NOL4L: variants seen among roughly 807,000 people sequenced by gnomAD.
NOL4L encodes nucleolar protein 4 like, also known as nucleolar protein 4-like.
Under a neutral mutation model 64.5 loss-of-function variants are expected in NOL4L, and 7 were observed. The ratio of observed to expected loss-of-function variants is 0.11; its 90% CI spans 0.06 to 0.20. NOL4L has a LOEUF of 0.20. Ranked by LOEUF, NOL4L falls within the 10% of genes least tolerant of loss-of-function variation. The pLI is 1.00. For missense variants in NOL4L, 680 were observed against 967.1 expected (o/e 0.70, Z 3.94); for synonymous variants, 413 against 401.0 (o/e 1.03, Z -0.36).
intron 2 of NOL4L, among the ~76,000 whole-genome samples, chr20:32,526,061 A>ATT (rs58923296): frequency 6.7e-6 from 1 of 148,550 alleles, no homozygotes; most frequent in Non-Finnish European, 1.5e-5. Flanking sequence ...CCTGGCCCCA[A>ATT]TTTTTTTTTT....
intron 2 of NOL4L, among the ~76,000 whole-genome samples, chr20:32,521,515 A>G (rs573136159): frequency 6.1e-4 from 93 of 152,260 alleles, no homozygotes; most frequent in African/African-American, 2.1e-3. Context: ...TGACTCCCCA[A>G]GGTCACAAGG....
intron 1 of NOL4L, among the ~76,000 whole-genome samples, chr20:32,543,131 CAG>C (rs1453147911): frequency 6.6e-6 from 1 of 152,136 alleles, no homozygotes; most frequent in Non-Finnish European, 1.5e-5. Flanking sequence ...GCTCTGCCAT[CAG>C]GGGATGCAAT....
At chr20:32,499,193 T>A (rs1385117596) in intron 4 of NOL4L, among the ~76,000 whole-genome samples, 4 of 152,140 alleles carry the variant, frequency 2.6e-5, no homozygotes, top group African/African-American at 7.2e-5. Flanking sequence ...AATTTTTTTT[T>A]AAATAAATGC....
chr20:32,478,728 A>G (rs2015553435), intron 4 of NOL4L, among the ~76,000 whole-genome samples: 1 of 152,172 alleles, frequency 6.6e-6, no homozygotes, highest in Non-Finnish European at 1.5e-5. Context: ...AGGAGCTGGC[A>G]CTACAGGCAT....
chr20:32,513,832 A>G (rs1008520211), intron 3 of NOL4L, among the ~76,000 whole-genome samples: 1 of 152,160 alleles, frequency 6.6e-6, no homozygotes, highest in Non-Finnish European at 1.5e-5. Flanking sequence ...GGTGACAGAG[A>G]CTGTGTCTCA....
At chr20:32,488,794 T>TTCCTTCCTTCCTTCCTTC in intron 4 of NOL4L, among the ~76,000 whole-genome samples, 1 of 48,736 alleles carries the variant, frequency 2.1e-5, no homozygotes, top group Non-Finnish European at 3.8e-5. Context: ...TTCCTTCCTT[T>TTCCTTCCTTCCTTCCTTC]CTTTCTTTCT....
At chr20:32,584,058 C>G (rs1980703473) in intron 1 of NOL4L, among the ~76,000 whole-genome samples, 1 of 145,440 alleles carries the variant, frequency 6.9e-6, no homozygotes. Flanking sequence ...CTGGGAGGCC[C>G]GGCGGACTCC....
rs369634280 is a variant in NOL4L, at chr20:32,453,560, T to C, written c.1305+16A>G. 6 of 1,613,808 alleles carry C rather than the reference T, an allele frequency of 3.7e-6. No individual in the cohort carries two copies. The highest frequency in any genetic ancestry group is 4.5e-5 in the East Asian group (2 of 44,880). ...TTGCCCCCATCCCACCCCACCTGTT[T>C]CCGGCCGGTGCTCACGTTGAAGGCC... On this transcript the variant is annotated intron_variant, in intron 7 of 10. Transcript: ENST00000621426. The surrounding 1 kb of genome is among the most constrained non-coding windows in gnomAD (Gnocchi z 5.6).
rs2016252385 is a variant in NOL4L, at chr20:32,488,795, CTTTCTTTCTTTTTCTTTCTTT to C, written c.700-14074_700-14054del. On this transcript the variant is annotated intron_variant, in intron 4 of 10. Transcript: ENST00000621426. The stretch of plus-strand genomic sequence containing the variant: ...CCTTCCTTCCTTCCTTCCTTCCTTT[CTTTCTTTCTTTTTCTTTCTTT>C]CTTTCTTTCTTTTTCTTTCTTTCTT... Among the ~76,000 whole-genome samples the C allele has an allele frequency of 9.1e-4, 43 of 47,066 alleles. 3 individuals are homozygous for C. The highest frequency in any genetic ancestry group is 8.3e-3 in the Middle Eastern group (1 of 120). The allele number at this position is 47,066 out of a possible 152,430, so 30.9% of individuals were successfully genotyped here. A position where few individuals can be genotyped will look rare whatever the true frequency, so the allele number is the denominator to read the frequency against.
chr20:32,488,790 C>CCTTT (rs1419889746), intron 4 of NOL4L, among the ~76,000 whole-genome samples: 1 of 39,772 alleles, frequency 2.5e-5, no homozygotes, highest in Non-Finnish European at 3.9e-5. Flanking sequence ...TTCCTTCCTT[C>CCTTT]CTTTCTTTCT....
chr20:32,501,791 T>C (rs533237687), intron 4 of NOL4L, among the ~76,000 whole-genome samples: 1 of 152,114 alleles, frequency 6.6e-6, no homozygotes, highest in East Asian at 1.9e-4. Context: ...AATTGATACA[T>C]CTGAGTACAT....
At chr20:32,529,010 C>G (rs976766998) in intron 1 of NOL4L, among the ~76,000 whole-genome samples, 3 of 152,236 alleles carry the variant, frequency 2.0e-5, no homozygotes, top group Non-Finnish European at 4.4e-5. Context: ...TGGGCTTCGC[C>G]TGCTCCTTCT....
At chr20:32,534,409 G>A (rs2018445233) in intron 1 of NOL4L, among the ~76,000 whole-genome samples, 3 of 152,220 alleles carry the variant, frequency 2.0e-5, no homozygotes, top group Admixed American at 2.0e-4. Context: ...TGATTGCACA[G>A]GCAAATGTGA....
intron 4 of NOL4L, among the ~76,000 whole-genome samples, chr20:32,490,566 A>G (rs2016427850): frequency 6.6e-6 from 1 of 152,150 alleles, no homozygotes; most frequent in African/African-American, 2.4e-5. Flanking sequence ...TGATTTTTGC[A>G]TAGCTGCCTG....
At chr20:32,580,670 A>G (rs1229944610) in intron 1 of NOL4L, among the ~76,000 whole-genome samples, 3 of 152,176 alleles carry the variant, frequency 2.0e-5, no homozygotes, top group Non-Finnish European at 4.4e-5. Flanking sequence ...AGGTCCACGG[A>G]GAAGCTACAG....
At chr20:32,527,529 C>T (rs1448640684) in intron 2 of NOL4L, among the ~76,000 whole-genome samples, 1 of 152,132 alleles carries the variant, frequency 6.6e-6, no homozygotes, top group Non-Finnish European at 1.5e-5. Context: ...CTCCCTCTCA[C>T]CCCCTTCAAC....
At chr20:32,518,197 T>C (rs2017759365) in intron 3 of NOL4L, among the ~76,000 whole-genome samples, 1 of 152,154 alleles carries the variant, frequency 6.6e-6, no homozygotes, top group African/African-American at 2.4e-5. Context: ...AGAGATGGCA[T>C]TGTGTCTGAG....
intron 1 of NOL4L, among the ~76,000 whole-genome samples, chr20:32,541,007 C>CTA (rs2018644967): frequency 1.7e-5 from 1 of 57,478 alleles, no homozygotes; most frequent in South Asian, 7.2e-4. Flanking sequence ...TCGCCACCCC[C>CTA]TACACACACA....
intron 5 of NOL4L, among the ~76,000 whole-genome samples, chr20:32,474,359 C>T (rs1246929271): frequency 6.6e-6 from 1 of 152,282 alleles, no homozygotes; most frequent in Non-Finnish European, 1.5e-5. Context: ...CCCCGCCCCG[C>T]AGGCTGCCAG....
Sources: gnomAD v4.1 joint callset for allele counts (sites outside exome capture counted in the v4.1 genomes callset) on GRCh38, gnomAD v4.1.1 for gene constraint, Gnocchi (gnomAD v3.1) non-coding constraint, MANE v1.5 for transcripts, NCBI Gene and HGNC (gene_info 2026-07-23, HGNC 2026-07-21) for gene names.